ISM1: variants seen among roughly 807,000 people sequenced by gnomAD.
ISM1 encodes isthmin-1.
A neutral mutation model predicts 46.3 loss-of-function variants in ISM1; 25 were observed. The observed-to-expected ratio is 0.54, with a 90% CI of 0.39 to 0.75. ISM1 has a LOEUF of 0.75. Ranked by LOEUF, ISM1 falls within the 30% of genes least tolerant of loss-of-function variation. ISM1 has a pLI of 0.00. For missense variants in ISM1, 536 were observed against 625.4 expected, an observed-to-expected ratio of 0.86 and a Z score of 1.52; for synonymous variants, 255 against 256.7, an observed-to-expected ratio of 0.99 and a Z score of 0.06.
At chr20:13,312,429 T>G in the ISM1 span, among the ~76,000 whole-genome samples, 1 of 152,210 alleles carries the variant, frequency 6.6e-6, no homozygotes, top group Non-Finnish European at 1.5e-5. Context: ...CTCCAAGAGA[T>G]GCAGAGAGGC....
the ISM1 span, among the ~76,000 whole-genome samples, chr20:13,315,421 A>G: frequency 1.3e-5 from 2 of 152,054 alleles, no homozygotes; most frequent in Non-Finnish European, 2.9e-5. Context: ...AAGACCAAGG[A>G]AAGTTATCAG....
intron 3 of ISM1, among the ~76,000 whole-genome samples, chr20:13,284,379 C>T (rs1279084462): frequency 1.3e-5 from 2 of 152,180 alleles, no homozygotes; most frequent in Non-Finnish European, 2.9e-5. Flanking sequence ...TTTATTTCCT[C>T]CTTGAGTTAT....
At chr20:13,305,552 T>C (rs1184896204), downstream of ISM1, among the ~76,000 whole-genome samples, 1 of 152,242 alleles carries the variant, frequency 6.6e-6, no homozygotes, top group Non-Finnish European at 1.5e-5. Flanking sequence ...CCATTATGCC[T>C]GCACAATTTC....
chr20:13,257,473 G>A (rs558027112), intron 1 of ISM1, among the ~76,000 whole-genome samples: 16 of 152,212 alleles, frequency 1.1e-4, no homozygotes, highest in African/African-American at 3.9e-4. Flanking sequence ...CTGGTTCTCT[G>A]CGTCTTCCTC....
the ISM1 span, among the ~76,000 whole-genome samples, chr20:13,326,253 T>C: frequency 3.3e-5 from 5 of 152,198 alleles, no homozygotes; most frequent in African/African-American, 1.2e-4. Flanking sequence ...TTTGGGAAAT[T>C]ATGAAAATAA....
Position 13,299,489 on chromosome 20 carries a change from C to T in ISM1, c.*30C>T, listed in dbSNP as rs1048378426. On this transcript the variant is annotated 3_prime_UTR_variant, in exon 6 of 6. Coordinates refer to ENST00000262487, the MANE Select transcript of ISM1 (RefSeq NM_080826.2). The surrounding 1 kb of genome is among the most constrained non-coding windows in gnomAD (Gnocchi z 5.8). ...ACTGGGATGAGGTGGAGGACGCTGCCTCTGGTTCTGGAGCACACACGTGCT... is the reference window on the plus strand; with the variant it reads ...ACTGGGATGAGGTGGAGGACGCTGCTTCTGGTTCTGGAGCACACACGTGCT... The T allele has an allele frequency of 1.0e-5, 16 of 1,569,202 alleles. No individual in the cohort carries two copies. The highest frequency in any genetic ancestry group is 1.3e-5 in the African/African-American group (1 of 74,294).
At position 13,247,557 on chromosome 20, in the gene ISM1, T is replaced by G. The variant is rs916911167; in HGVS notation, c.139-22947T>G. Among the ~76,000 whole-genome samples, 3 of 147,032 alleles carry G rather than the reference T, an allele frequency of 2.0e-5. No individual in the cohort carries two copies. The East Asian group carries it at 6.0e-4, about 29-fold the overall frequency. On this transcript the variant is annotated intron_variant, in intron 1 of 5. Coordinates refer to ENST00000262487, the MANE Select transcript of ISM1 (RefSeq NM_080826.2). ...GTGTGTGTGTGTGTGTGTGTGTGTG[T>G]GTAGGTAGGTAGGAGGAGCAACTTA... is the stretch of plus-strand genomic sequence containing the variant.
chr20:13,290,195 G>A (rs1406595795), intron 4 of ISM1, among the ~76,000 whole-genome samples: 1 of 152,112 alleles, frequency 6.6e-6, no homozygotes, highest in East Asian at 1.9e-4. Flanking sequence ...TCATTAGGAT[G>A]AGCTGAGTTG....
intron 4 of ISM1, among the ~76,000 whole-genome samples, chr20:13,290,445 C>T (rs1387972035): frequency 6.6e-5 from 10 of 152,112 alleles, no homozygotes; most frequent in Non-Finnish European, 1.2e-4. Context: ...GTCAGGAGAT[C>T]GAGACCATCC....
intron 1 of ISM1, among the ~76,000 whole-genome samples, chr20:13,261,836 A>G (rs1049448778): frequency 1.3e-5 from 2 of 152,196 alleles, no homozygotes; most frequent in African/African-American, 4.8e-5. Context: ...CCCAGACCTC[A>G]GCTTCTGAAC....
At chr20:13,284,407 G>A (rs2040269411) in intron 3 of ISM1, among the ~76,000 whole-genome samples, 2 of 152,318 alleles carry the variant, frequency 1.3e-5, no homozygotes, top group African/African-American at 4.8e-5. Flanking sequence ...CACAGCCAGG[G>A]GCTGTCAAAG....
intron 1 of ISM1, among the ~76,000 whole-genome samples, chr20:13,242,878 A>G (rs1185315534): frequency 6.6e-6 from 1 of 152,182 alleles, no homozygotes; most frequent in African/African-American, 2.4e-5. Context: ...TGTTTTTGTC[A>G]TATACTTAAA....
At chr20:13,266,127 C>T (rs942695747) in intron 1 of ISM1, among the ~76,000 whole-genome samples, 13 of 152,108 alleles carry the variant, frequency 8.5e-5, no homozygotes, top group African/African-American at 1.9e-4. Flanking sequence ...GTCATATGGT[C>T]GCACTCAGAT....
At chr20:13,297,984 C>A (rs1422369293) in intron 5 of ISM1, among the ~76,000 whole-genome samples, 1 of 152,188 alleles carries the variant, frequency 6.6e-6, no homozygotes, top group East Asian at 1.9e-4. Context: ...GGTTAAGAGG[C>A]TGGGGGAACC....
rs570163386 is a variant in ISM1, at chr20:13,299,611, G to A, written c.*152G>A. 6 of 762,090 alleles carry A rather than the reference G, an allele frequency of 7.9e-6. No individual in the cohort carries two copies. The highest frequency in any genetic ancestry group is 1.7e-5 in the African/African-American group (1 of 57,254). The allele number at this position is 762,090 out of a possible 1,614,324, so 47.2% of individuals were successfully genotyped here. On this transcript the variant is annotated 3_prime_UTR_variant, in exon 6 of 6. Coordinates refer to ENST00000262487, the MANE Select transcript of ISM1 (RefSeq NM_080826.2). The surrounding 1 kb of genome is among the most constrained non-coding windows in gnomAD (Gnocchi z 5.8). ...ATTTCTCATACATTACGCTAGGGGCGTGTGCCACGCCCAGGGGACTGCCTT... is the reference window on the plus strand; with the variant it reads ...ATTTCTCATACATTACGCTAGGGGCATGTGCCACGCCCAGGGGACTGCCTT...
At chr20:13,296,941 C>A (rs2123332751) in intron 5 of ISM1, among the ~76,000 whole-genome samples, 1 of 152,190 alleles carries the variant, frequency 6.6e-6, no homozygotes, top group South Asian at 2.1e-4. Flanking sequence ...TTGCTTGAAC[C>A]CGGGCAGCAG....
downstream of ISM1, among the ~76,000 whole-genome samples, chr20:13,302,777 C>A (rs966419698): frequency 6.6e-6 from 1 of 152,168 alleles, no homozygotes; most frequent in African/African-American, 2.4e-5. Context: ...ATCCTGGGTG[C>A]CACATCTGAA....
At chr20:13,308,611 G>A in the ISM1 span, among the ~76,000 whole-genome samples, 20 of 152,242 alleles carry the variant, frequency 1.3e-4, no homozygotes, top group South Asian at 4.1e-3. Flanking sequence ...ACCATGTTAA[G>A]TTCATAATAG....
At chr20:13,230,749 A>T (rs1254246710) in intron 1 of ISM1, among the ~76,000 whole-genome samples, 1 of 151,998 alleles carries the variant, frequency 6.6e-6, no homozygotes, top group Non-Finnish European at 1.5e-5. Context: ...TGTTGTAGAA[A>T]AAAAAAGAAA....
Sources: gnomAD v4.1 joint callset for allele counts (sites outside exome capture counted in the v4.1 genomes callset) on GRCh38, gnomAD v4.1.1 for gene constraint, Gnocchi (gnomAD v3.1) non-coding constraint, MANE v1.5 for transcripts, NCBI Gene and HGNC (gene_info 2026-07-23, HGNC 2026-07-21) for gene names.